Variants in FHIT observed in about 807,000 individuals in gnomAD.
FHIT encodes the protein bis(5'-adenosyl)-triphosphatase.
FHIT carries 19 observed loss-of-function variants against 17.9 expected under a neutral mutation model. That is an observed-to-expected ratio of 1.06 (90% CI 0.74 to 1.56). FHIT has a LOEUF of 1.56. Among genes scored for constraint, FHIT ranks in the 40% most tolerant of loss-of-function variants. FHIT has a pLI of 0.00. For missense variants in FHIT, 248 were observed against 189.2 expected, an observed-to-expected ratio of 1.31 and a Z score of -1.82; for synonymous variants, 81 against 69.7, an observed-to-expected ratio of 1.16 and a Z score of -0.81.
chr3:60,724,659 TG>T (rs1318701537), intron 4 of FHIT, among the ~76,000 whole-genome samples: 20,619 of 130,736 alleles, frequency 0.16, 2,252 homozygotes, highest in African/African-American at 0.25. Context: ...TTTTTTTTTT[TG>T]TTTTTTTTTT....
chr3:60,500,849 A>G (rs571361548), intron 5 of FHIT, among the ~76,000 whole-genome samples: 1 of 151,940 alleles, frequency 6.6e-6, no homozygotes, highest in African/African-American at 2.4e-5. Context: ...ATAAAGAACT[A>G]ACACAGTGCC....
chr3:60,684,723 G>A (rs1716736), intron 4 of FHIT, among the ~76,000 whole-genome samples: 128,316 of 152,014 alleles, frequency 0.84, 54,781 homozygotes, highest in Non-Finnish European at 0.91. Flanking sequence ...CTAGTTCACA[G>A]ACTAGATCAC....
chr3:60,978,629 C>T (rs1710364094), intron 3 of FHIT, among the ~76,000 whole-genome samples: 1 of 152,094 alleles, frequency 6.6e-6, no homozygotes. Context: ...TTTTGAATCC[C>T]TCTTAAATTC....
intron 1 of FHIT, among the ~76,000 whole-genome samples, chr3:61,243,009 G>C (rs1220324308): frequency 1.3e-5 from 2 of 152,134 alleles, no homozygotes; most frequent in African/African-American, 4.8e-5. Flanking sequence ...TAATTTGTTA[G>C]TCCTAGGGGG....
intron 3 of FHIT, among the ~76,000 whole-genome samples, chr3:60,825,153 A>T (rs1158483941): frequency 1.3e-5 from 2 of 152,188 alleles, no homozygotes; most frequent in Admixed American, 6.5e-5. Flanking sequence ...TTACTGTATT[A>T]TCAAAAGTGA....
At chr3:60,009,110 T>C (rs1422279408) in intron 7 of FHIT, among the ~76,000 whole-genome samples, 5 of 151,950 alleles carry the variant, frequency 3.3e-5, no homozygotes, top group African/African-American at 4.8e-5. Flanking sequence ...ACTTTAGATA[T>C]GGATACTTTG....
intron 7 of FHIT, among the ~76,000 whole-genome samples, chr3:59,933,998 C>T (rs1039081454): frequency 6.6e-6 from 1 of 152,106 alleles, no homozygotes; most frequent in South Asian, 2.1e-4. Context: ...TAGACTAAAA[C>T]AGGGCCCCTC....
intron 5 of FHIT, chr3:60,536,313 A>G (rs993867655): frequency 2.0e-5 from 3 of 152,290 alleles, no homozygotes; most frequent in Non-Finnish European, 4.4e-5. Context: ...TTCCCAAGAG[A>G]AAATGCTATT....
intron 5 of FHIT, among the ~76,000 whole-genome samples, chr3:60,445,114 G>T (rs927535544): frequency 1.3e-5 from 2 of 152,046 alleles, no homozygotes; most frequent in South Asian, 4.1e-4. Flanking sequence ...CTAAAATATG[G>T]TAATCAAATA....
intron 5 of FHIT, among the ~76,000 whole-genome samples, chr3:60,253,980 C>G (rs1346889813): frequency 6.6e-6 from 1 of 152,110 alleles, no homozygotes; most frequent in South Asian, 2.1e-4. Flanking sequence ...ATAACTCAAA[C>G]CTACAATTGG....
intron 1 of FHIT, among the ~76,000 whole-genome samples, chr3:61,245,979 C>A (rs536461645): frequency 1.3e-5 from 2 of 152,254 alleles, no homozygotes; most frequent in Admixed American, 1.3e-4. Context: ...TAATAAAGAC[C>A]TTGCTGATAA....
At chr3:59,827,870 C>A (rs1159502438) in intron 8 of FHIT, among the ~76,000 whole-genome samples, 1 of 152,166 alleles carries the variant, frequency 6.6e-6, no homozygotes, top group African/African-American at 2.4e-5. Context: ...TGCTCTCTAC[C>A]ATTTGCCCCA....
rs933489750 is a variant in FHIT, at chr3:59,874,232, T to C, written c.348+48114A>G. On this transcript the variant is annotated intron_variant, in intron 8 of 9. Coordinates refer to ENST00000492590, the MANE Select transcript of FHIT (RefSeq NM_002012.4). ...AGTTCAAAGCTCTCAAGTCCATCGA[T>C]CCAACTTCTTCTCTGGCCAAAAAAC... 7.9e-5 allele frequency among the ~76,000 whole-genome samples: 12 copies of C among 152,194 alleles called. 1 individual carries two copies. The highest frequency in any genetic ancestry group is 2.9e-5 in the Non-Finnish European group (2 of 68,022).
intron 8 of FHIT, among the ~76,000 whole-genome samples, chr3:59,829,122 CA>C (rs1441029911): frequency 6.6e-6 from 1 of 152,138 alleles, no homozygotes; most frequent in African/African-American, 2.4e-5. Context: ...TTACAATAAT[CA>C]CTCTAGTTTG....
At chr3:60,173,915 A>ATATATATATATATATAT in intron 5 of FHIT, among the ~76,000 whole-genome samples, 2 of 66,434 alleles carry the variant, frequency 3.0e-5, no homozygotes, top group Non-Finnish European at 2.8e-5. Flanking sequence ...ATATATATAT[A>ATATATATATATATATAT]TGTTTTTTTT....
chr3:59,844,345 G>A (rs1429164157), intron 8 of FHIT, among the ~76,000 whole-genome samples: 1 of 152,100 alleles, frequency 6.6e-6, no homozygotes, highest in Non-Finnish European at 1.5e-5. Context: ...TACAAGTGGT[G>A]AAAATGGGCA....
At chr3:60,510,558 C>T (rs1305925164) in intron 5 of FHIT, among the ~76,000 whole-genome samples, 1 of 152,022 alleles carries the variant, frequency 6.6e-6, no homozygotes, top group Non-Finnish European at 1.5e-5. Context: ...TCAGCATCGA[C>T]TAGATGGACT....
chr3:61,119,512 C>A (rs2036395541), intron 2 of FHIT, among the ~76,000 whole-genome samples: 1 of 152,118 alleles, frequency 6.6e-6, no homozygotes, highest in Non-Finnish European at 1.5e-5. Context: ...CCGTGCCCAG[C>A]CTGTTATAGT....
At chr3:61,171,242 T>C (rs1374556433) in intron 2 of FHIT, among the ~76,000 whole-genome samples, 1 of 152,206 alleles carries the variant, frequency 6.6e-6, no homozygotes, top group Admixed American at 6.5e-5. Context: ...TTTGGCCGCA[T>C]GTATGTCTTC....
Sources: allele counts gnomAD v4.1 joint callset (sites outside exome capture counted in the v4.1 genomes callset), GRCh38; gene constraint gnomAD v4.1.1; transcripts MANE v1.5; gene names NCBI Gene and HGNC (gene_info 2026-07-23, HGNC 2026-07-21).